Variants in DNM2 observed in about 807,000 individuals in gnomAD.
DNM2 encodes the protein dynamin 2, also known as dynamin-2.
Under a neutral mutation model 99.0 loss-of-function variants are expected in DNM2, and 15 were observed. That is an observed-to-expected ratio of 0.15 (90% CI 0.10 to 0.23). DNM2 has a LOEUF of 0.23. DNM2 is among the 10% of genes least tolerant of loss of function. DNM2 has a pLI of 1.00. For missense variants in DNM2, 742 were observed against 1,189.4 expected (o/e 0.62, Z 5.53); for synonymous variants, 525 against 481.2 (o/e 1.09, Z -1.19).
intron 1 of DNM2, among the ~76,000 whole-genome samples, chr19:10,744,300 G>C (rs1291830320): frequency 2.0e-5 from 3 of 152,206 alleles, no homozygotes; most frequent in East Asian, 1.9e-4. Flanking sequence ...AAACAGAGGA[G>C]GAGGGGATGG....
chr19:10,813,752 G>A (rs964259066), intron 15 of DNM2, among the ~76,000 whole-genome samples: 1 of 151,926 alleles, frequency 6.6e-6, no homozygotes, highest in African/African-American at 2.4e-5. Flanking sequence ...CTTGAGCCCA[G>A]GAGATGGAGG....
chr19:10,827,005 C>G (rs2073162205), intron 18 of DNM2, among the ~76,000 whole-genome samples: 1 of 152,016 alleles, frequency 6.6e-6, no homozygotes, highest in African/African-American at 2.4e-5. Context: ...ACTCCCAGCA[C>G]TTTGGGAGGC....
At chr19:10,784,954 G>T (rs936543743) in intron 6 of DNM2, among the ~76,000 whole-genome samples, 3 of 150,548 alleles carry the variant, frequency 2.0e-5, no homozygotes, top group African/African-American at 7.3e-5. Context: ...CTCCCAAGTA[G>T]CTGGGATTAC....
chr19:10,771,048 G>A (rs1159561927), intron 2 of DNM2, among the ~76,000 whole-genome samples: 5 of 152,132 alleles, frequency 3.3e-5, no homozygotes, highest in Admixed American at 6.5e-5. Flanking sequence ...CCTCCTCGGC[G>A]TCCCACAGTG....
In DNM2 at chr19:10,817,800, C is replaced by CGTGT. The variant is rs756219781; in HGVS notation, c.1672-2166_1672-2163dup. ...GGTGGGGAGGAGGGGCGCACACACA[C>CGTGT]GTGTGTGTGTGTGTGTGCGCGCGCG... On this transcript the variant is annotated intron_variant, in intron 15 of 20. Transcript: ENST00000389253. The surrounding 1 kb of genome is among the most constrained non-coding windows in gnomAD (Gnocchi z 4.6). Among the ~76,000 whole-genome samples the CGTGT allele has an allele frequency of 8.6e-5, 12 of 139,452 alleles. No individual in the cohort carries two copies. The highest frequency in any genetic ancestry group is 7.0e-4 in the South Asian group (3 of 4,314). The allele number at this position is 139,452 out of a possible 152,430, so 91.5% of individuals were successfully genotyped here.
chr19:10,824,871 G>A, intron 17 of DNM2, 186 bp from the exon 18 acceptor site: 1 of 841,826 alleles, frequency 1.2e-6, no homozygotes, highest in Non-Finnish European at 1.9e-6. Context: ...CCCAGCATCA[G>A]CCAGGGTCAC....
rs183664554 is a variant in DNM2, at chr19:10,817,443, A to G, written c.1672-2537A>G. The G allele has an allele frequency of 1.7e-3, 885 of 510,172 alleles. 7 individuals carry two copies. The highest frequency in any genetic ancestry group is 0.016 in the African/African-American group (804 of 51,086). 31.6% of individuals were successfully genotyped at this position (510,172 alleles called of 1,614,324 possible). ...CAAGCCCAGCCTAACCAATGTGCAG[A>G]CTACTGTACACATTGAGAGCCTCCT... On this transcript the variant is annotated intron_variant, in intron 15 of 20. Coordinates refer to ENST00000389253, the MANE Select transcript of DNM2 (RefSeq NM_001005361.3). This position sits in a 1 kb window ranked among gnomAD's most constrained non-coding sequence, Gnocchi z 4.6.
chr19:10,814,911 A>G (rs533993696), intron 15 of DNM2, among the ~76,000 whole-genome samples: 1 of 152,202 alleles, frequency 6.6e-6, no homozygotes, highest in East Asian at 1.9e-4. Context: ...GCTTGTTGCT[A>G]CTCTGATGCG....
intron 4 of DNM2, among the ~76,000 whole-genome samples, chr19:10,776,858 C>G (rs374687748): frequency 2.0e-5 from 3 of 152,252 alleles, no homozygotes; most frequent in Admixed American, 2.0e-4. Context: ...CTTAATAACA[C>G]AAATGACAAT....
At chr19:10,757,471 G>A (rs1263831771) in intron 1 of DNM2, among the ~76,000 whole-genome samples, 1 of 152,294 alleles carries the variant, frequency 6.6e-6, no homozygotes, top group East Asian at 1.9e-4. Context: ...CCTCATCAGG[G>A]GTTCCCAGCA....
At chr19:10,779,876 A>G (rs2145944057) in intron 5 of DNM2, among the ~76,000 whole-genome samples, 1 of 149,916 alleles carries the variant, frequency 6.7e-6, no homozygotes, top group Non-Finnish European at 1.5e-5. Flanking sequence ...CTGGTCTTGA[A>G]CTCCTGACCT....
At chr19:10,773,633 A>AT (rs1410657045) in intron 3 of DNM2, among the ~76,000 whole-genome samples, 7 of 149,604 alleles carry the variant, frequency 4.7e-5, no homozygotes, top group South Asian at 2.1e-4. Context: ...TTTATTTTTT[A>AT]TTTTTTTTAT....
chr19:10,825,957 C>T (rs2073130424), intron 18 of DNM2, among the ~76,000 whole-genome samples: 1 of 151,914 alleles, frequency 6.6e-6, no homozygotes, highest in South Asian at 2.1e-4. Context: ...ATCACTTGAG[C>T]CCAGGAGGTT....
In DNM2 at chr19:10,796,726, C is replaced by T. The variant is rs1471709629; in HGVS notation, c.1197-654C>T. ...GCCCCTGCCCACCCCCTGCACCCCA[C>T]GCTGTCCCCCAGGGGCAGCCCATTT... On this transcript the variant is annotated intron_variant, in intron 9 of 20. Transcript: ENST00000389253. The surrounding 1 kb of genome is among the most constrained non-coding windows in gnomAD (Gnocchi z 5.6). Among the ~76,000 whole-genome samples, 5 of 152,142 alleles carry T rather than the reference C, an allele frequency of 3.3e-5. No homozygotes were observed. Among genetic ancestry groups the T allele is most frequent in the Admixed American group, 6.5e-5 (1 of 15,282 alleles).
At position 10,793,044 on chromosome 19, in the gene DNM2, A is replaced by G. The variant is rs547265689; in HGVS notation, c.993-676A>G. ...AGGCATGAGCCACCGCACCCGGCCAATAAAACATTTTAACTTGTGTGAAAC... is the reference window on the plus strand; with the variant it reads ...AGGCATGAGCCACCGCACCCGGCCAGTAAAACATTTTAACTTGTGTGAAAC... On this transcript the variant is annotated intron_variant, in intron 7 of 20. Transcript: ENST00000389253. Among the ~76,000 whole-genome samples, 80 of 152,280 alleles carry G rather than the reference A, an allele frequency of 5.3e-4. No individual in the cohort carries two copies. The Middle Eastern group carries it at 0.01, about 19-fold the overall frequency.
At chr19:10,728,771 G>A (rs59715646) in intron 1 of DNM2, among the ~76,000 whole-genome samples, 12,700 of 150,272 alleles carry the variant, frequency 0.085, 559 homozygotes, top group Middle Eastern at 0.11. Flanking sequence ...AGCATGGCGA[G>A]CCCCATCTCT....
At chr19:10,733,308 C>T (rs1157648181) in intron 1 of DNM2, among the ~76,000 whole-genome samples, 1 of 151,312 alleles carries the variant, frequency 6.6e-6, no homozygotes, top group African/African-American at 2.4e-5. Context: ...TCTCCCACCA[C>T]AGCCTCCCAA....
chr19:10,821,413 T>C (rs966815815), intron 16 of DNM2, among the ~76,000 whole-genome samples: 7 of 152,164 alleles, frequency 4.6e-5, no homozygotes, highest in East Asian at 1.9e-4. Flanking sequence ...GTCCAGACTT[T>C]AGTATCCCGG....
In DNM2 at chr19:10,812,407, G is replaced by T; in HGVS notation, c.1671+30G>T. The T allele has an allele frequency of 6.4e-7, 1 of 1,562,776 alleles. No individual in the cohort carries two copies. The highest frequency in any genetic ancestry group is 8.7e-7 in the Non-Finnish European group (1 of 1,148,292). On this transcript the variant is annotated intron_variant, in intron 15 of 20. Transcript: ENST00000389253. The surrounding 1 kb of genome is among the most constrained non-coding windows in gnomAD (Gnocchi z 4.0). ...GTGGCAGGCGGGAGCAGGGCTGCTG[G>T]GGTAGGTGGGGCAGCCAGGGAAGAG...
Sources: gnomAD v4.1 joint callset for allele counts (sites outside exome capture counted in the v4.1 genomes callset) on GRCh38, gnomAD v4.1.1 for gene constraint, Gnocchi (gnomAD v3.1) non-coding constraint, MANE v1.5 for transcripts, NCBI Gene and HGNC (gene_info 2026-07-23, HGNC 2026-07-21) for gene names.